FNIP2: variants seen among roughly 807,000 people sequenced by gnomAD.
FNIP2 encodes folliculin interacting protein 2.
Under a neutral mutation model 108.7 loss-of-function variants are expected in FNIP2, and 32 were observed. The observed-to-expected ratio is 0.29, with a 90% CI of 0.22 to 0.40. The LOEUF (loss-of-function observed/expected upper bound fraction) is 0.40. Among genes scored for constraint, FNIP2 ranks in the 10% least tolerant of loss-of-function variants. FNIP2 has a pLI of 1.00. For missense variants in FNIP2, 1,202 were observed against 1,381.6 expected (o/e 0.87, Z 2.06); for synonymous variants, 480 against 496.7 (o/e 0.97, Z 0.45).
At position 158,882,859 on chromosome 4, in the gene FNIP2, C is replaced by G. The variant is rs577036202; in HGVS notation, c.2950-8587C>G. Among the ~76,000 whole-genome samples, 422 of 152,246 alleles carry G rather than the reference C, an allele frequency of 2.8e-3. 3 individuals are homozygous for G. Among genetic ancestry groups the G allele is most frequent in the African/African-American group, 9.7e-3 (401 of 41,544 alleles). Reference sequence around the variant, plus strand: ...CAAGTACCCAGGGACACAAATACTGCGGAAGGCCGCAGGGTCTTCTGCCTA... The same window carrying G: ...CAAGTACCCAGGGACACAAATACTGGGGAAGGCCGCAGGGTCTTCTGCCTA... On this transcript the variant is annotated intron_variant, in intron 14 of 16. Transcript: ENST00000264433.
rs1054269543 is a variant in FNIP2 at position 158,816,854 on chromosome 4, CT to C, written c.108-9052del. Among the ~76,000 whole-genome samples, 96 of 145,410 alleles carry C rather than the reference CT, an allele frequency of 6.6e-4. 1 individual carries two copies. Among genetic ancestry groups the C allele is most frequent in the Middle Eastern group, 7.1e-3 (2 of 280 alleles). ...ATGCATGGAGATGAACAGTAAAGCT[CT>C]TTTTTTTTTGTCAGTTTGGCTATTT... is the stretch of plus-strand genomic sequence containing the variant. On this transcript the variant is annotated intron_variant, in intron 1 of 16. Transcript: ENST00000264433.
intron 8 of FNIP2, among the ~76,000 whole-genome samples, chr4:158,851,884 A>G (rs1399730499): frequency 6.6e-6 from 1 of 152,250 alleles, no homozygotes; most frequent in Non-Finnish European, 1.5e-5. Flanking sequence ...TTCTTCAACT[A>G]AACAGATATG....
chr4:158,828,663 TAATA>T (rs1435691131), intron 2 of FNIP2, among the ~76,000 whole-genome samples: 8 of 152,084 alleles, frequency 5.3e-5, no homozygotes, highest in Non-Finnish European at 7.4e-5. Flanking sequence ...CTGCCCAAAT[TAATA>T]GTTTTGTTTT....
intron 7 of FNIP2, among the ~76,000 whole-genome samples, chr4:158,839,498 T>C (rs1445953555): frequency 6.6e-6 from 1 of 152,146 alleles, no homozygotes; most frequent in Non-Finnish European, 1.5e-5. Context: ...CCTGAGTAGC[T>C]GGGACTACAG....
Position 158,869,102 on chromosome 4 carries a change from C to A in FNIP2, c.2466C>A (p.Ala822=). ...GCCACGCTGCTGACTTGGGCACAGCCTCCCACGGTGCAGGAGGAACGGGAG... is the reference window on the plus strand; with the variant it reads ...GCCACGCTGCTGACTTGGGCACAGCATCCCACGGTGCAGGAGGAACGGGAG... ...QLSHAADLGT[A]SHGAGGTGGR... The change falls in exon 13 of 17, where the codon GCC becomes GCA. Residue 822 remains alanine, a synonymous_variant. Transcript: ENST00000264433. 6.2e-7 allele frequency: 1 copy of A among 1,613,994 alleles called. No homozygotes were observed. Among genetic ancestry groups the A allele is most frequent in the Non-Finnish European group, 8.5e-7 (1 of 1,179,890 alleles).
At chr4:158,806,679 C>T (rs1776981461) in intron 1 of FNIP2, among the ~76,000 whole-genome samples, 1 of 152,192 alleles carries the variant, frequency 6.6e-6, no homozygotes, top group Non-Finnish European at 1.5e-5. Flanking sequence ...TCTACTGGAG[C>T]CAACTTATAA....
At position 158,851,846 on chromosome 4, in the gene FNIP2, G is replaced by A. The variant is rs1779719691; in HGVS notation, c.857+396G>A. Among the ~76,000 whole-genome samples, 5 of 152,214 alleles carry A rather than the reference G, an allele frequency of 3.3e-5. No homozygotes were observed. The South Asian group carries it at 1.0e-3, about 32-fold the overall frequency. Reference sequence around the variant, plus strand: ...CAAAAATATATGAAGTCAAGGGTTTGTGATATATTCTCTTTGTAAAATGTA... The same window carrying A: ...CAAAAATATATGAAGTCAAGGGTTTATGATATATTCTCTTTGTAAAATGTA... On this transcript the variant is annotated intron_variant, in intron 8 of 16. Coordinates refer to ENST00000264433, the MANE Select transcript of FNIP2 (RefSeq NM_020840.3).
At chr4:158,850,100 C>T (rs1779616495) in intron 7 of FNIP2, among the ~76,000 whole-genome samples, 1 of 152,166 alleles carries the variant, frequency 6.6e-6, no homozygotes, top group South Asian at 2.1e-4. Context: ...TTTAAGAGCT[C>T]AGGTCGGGAA....
intron 7 of FNIP2, among the ~76,000 whole-genome samples, chr4:158,838,927 G>T (rs1778962647): frequency 6.6e-6 from 1 of 152,280 alleles, no homozygotes; most frequent in South Asian, 2.1e-4. Context: ...CCCATTATTA[G>T]AATTTAATGT....
chr4:158,825,735 T>C (rs559587892), intron 1 of FNIP2, among the ~76,000 whole-genome samples, 181 bp from the exon 2 acceptor site: 5 of 152,384 alleles, frequency 3.3e-5, no homozygotes, highest in African/African-American at 1.2e-4. Flanking sequence ...CCCTTTGGAA[T>C]CCACATACAA....
At chr4:158,896,705 C>A (rs1200085190) in intron 16 of FNIP2, among the ~76,000 whole-genome samples, 1 of 151,454 alleles carries the variant, frequency 6.6e-6, no homozygotes. Flanking sequence ...TTCTTACATA[C>A]TTTATTTACA....
chr4:158,807,417 C>T (rs561855681), intron 1 of FNIP2, among the ~76,000 whole-genome samples: 86 of 152,182 alleles, frequency 5.7e-4, no homozygotes, highest in African/African-American at 2.1e-3. Flanking sequence ...GTGGGAGGAT[C>T]GCTTGAGCCC....
chr4:158,802,255 C>T (rs1193730897), intron 1 of FNIP2, among the ~76,000 whole-genome samples: 3 of 152,056 alleles, frequency 2.0e-5, no homozygotes, highest in Non-Finnish European at 2.9e-5. Context: ...GGGAATTACC[C>T]GGATAAAGAG....
chr4:158,863,654 G>C (rs1237705421), intron 12 of FNIP2, among the ~76,000 whole-genome samples: 1 of 152,172 alleles, frequency 6.6e-6, no homozygotes, highest in East Asian at 1.9e-4. Flanking sequence ...CATTTAATTG[G>C]TATAATAGAA....
intron 12 of FNIP2, among the ~76,000 whole-genome samples, chr4:158,863,970 A>G (rs1001862802): frequency 3.3e-5 from 5 of 152,190 alleles, no homozygotes; most frequent in Admixed American, 2.0e-4. Flanking sequence ...AACACAGTGG[A>G]ATTAGACTAC....
chr4:158,879,519 G>C (rs1447877267), intron 14 of FNIP2, among the ~76,000 whole-genome samples: 1 of 150,286 alleles, frequency 6.7e-6, no homozygotes, highest in East Asian at 2.0e-4. Context: ...GCATATCTCA[G>C]AGCTGGCTTT....
chr4:158,873,159 GA>G (rs1781057120), intron 14 of FNIP2, among the ~76,000 whole-genome samples: 1 of 143,630 alleles, frequency 7.0e-6, no homozygotes, highest in Admixed American at 6.8e-5. Flanking sequence ...AAAAAAAAAA[GA>G]AAAAACAAAC....
chr4:158,901,682 C>T (rs780720602), intron 16 of FNIP2, among the ~76,000 whole-genome samples: 1 of 151,596 alleles, frequency 6.6e-6, no homozygotes. Context: ...AGGCTTTGTT[C>T]GTTTGTTTTC....
At position 158,833,520 on chromosome 4, in the gene FNIP2, G is replaced by A. The variant is rs948448296; in HGVS notation, c.555-8G>A. The A allele has an allele frequency of 5.1e-6, 8 of 1,566,260 alleles. No individual in the cohort carries two copies. Among genetic ancestry groups the A allele is most frequent in the Admixed American group, 1.9e-5 (1 of 51,424 alleles). On this transcript the variant is annotated splice_polypyrimidine_tract_variant and splice_region_variant and intron_variant, in intron 5 of 16. Transcript: ENST00000264433. ...CTTTCTCCTTTTCCCCCCCATCTCC[G>A]GATATAGCTTGCAAGACAGCTTTGA...
Sources: gnomAD v4.1 joint callset for allele counts (sites outside exome capture counted in the v4.1 genomes callset) on GRCh38, gnomAD v4.1.1 for gene constraint, MANE v1.5 for transcripts, NCBI Gene and HGNC (gene_info 2026-07-23, HGNC 2026-07-21) for gene names.